The following PARD3B variants were observed in gnomAD, a reference collection of about 807,000 sequenced individuals.
PARD3B encodes par-3 family cell polarity regulator beta, also known as partitioning defective 3 homolog B.
PARD3B carries 103 observed loss-of-function variants against 130.2 expected under a neutral mutation model. That is an observed-to-expected ratio of 0.79 (90% confidence interval 0.67 to 0.93). The LOEUF is 0.93. PARD3B is among the 40% of genes least tolerant of loss of function. PARD3B has a pLI of 0.00. For missense variants in PARD3B, 1,609 were observed against 1,499.2 expected (o/e 1.07, Z -1.21); for synonymous variants, 583 against 553.2 (o/e 1.05, Z -0.76).
At chr2:205,272,157 CAAA>C (rs764741961) in intron 16 of PARD3B, among the ~76,000 whole-genome samples, 10 of 96,524 alleles carry the variant, frequency 1.0e-4, no homozygotes, top group Admixed American at 2.3e-4. Context: ...GACTCTGTCT[CAAA>C]AAAAAAAAAA....
intron 2 of PARD3B, among the ~76,000 whole-genome samples, chr2:204,703,172 C>T (rs971121577): frequency 1.3e-5 from 2 of 152,122 alleles, no homozygotes; most frequent in African/African-American, 4.8e-5. Flanking sequence ...TTCTAAAGAG[C>T]CAGTACCTGA....
intron 2 of PARD3B, among the ~76,000 whole-genome samples, chr2:204,691,832 A>C (rs1435870759): frequency 6.6e-6 from 1 of 152,134 alleles, no homozygotes; most frequent in Non-Finnish European, 1.5e-5. Flanking sequence ...GAAGTTATTA[A>C]ATTGGTAAAA....
chr2:204,830,516 A>C (rs920064334), intron 2 of PARD3B, among the ~76,000 whole-genome samples: 8 of 152,238 alleles, frequency 5.3e-5, no homozygotes, highest in African/African-American at 1.4e-4. Context: ...TATATAGTGA[A>C]GAAGATTAAT....
intron 2 of PARD3B, among the ~76,000 whole-genome samples, chr2:204,711,078 T>C (rs1373523787): frequency 6.6e-6 from 1 of 152,242 alleles, no homozygotes; most frequent in Non-Finnish European, 1.5e-5. Flanking sequence ...TATTACCTTG[T>C]TATAGCTTAA....
Position 205,595,993 on chromosome 2 carries a change from A to G in PARD3B, c.3261-19463A>G, listed in dbSNP as rs1440472413. Among the ~76,000 whole-genome samples, 3 of 152,206 alleles carry G rather than the reference A, an allele frequency of 2.0e-5. No homozygotes were observed. In the East Asian group the frequency reaches 5.8e-4, roughly 29 times the overall value. ...ATAGCCCTCATCAGTTTGGGTTATTATAAGCCTTGATGTGCTAGCTGCTCC... is the reference window on the plus strand; with the variant it reads ...ATAGCCCTCATCAGTTTGGGTTATTGTAAGCCTTGATGTGCTAGCTGCTCC... On this transcript the variant is annotated intron_variant, in intron 22 of 22. Coordinates refer to ENST00000406610, the MANE Select transcript of PARD3B (RefSeq NM_001302769.2).
In PARD3B at chr2:205,193,265, AC is replaced by A. The variant is rs1314252416; in HGVS notation, c.2087del (p.Pro696ArgfsTer10). 2 of 1,613,852 alleles carry A rather than the reference AC, an allele frequency of 1.2e-6. No homozygotes were observed. The highest frequency in any genetic ancestry group is 2.2e-5 in the South Asian group (2 of 91,074). On this transcript the variant is annotated frameshift_variant, in exon 15 of 23. Transcript: ENST00000406610. LOFTEE classifies it high-confidence loss of function. ...AGCACATCAACTTCAGATCTGTGAC[AC>A]CGGCCAGGCAGCCTGAATCAATTAA... Reference protein sequence around the residue: ...DQHINFRSVTPARQPESINLK... With the variant: ...DQHINFRSVTXARQPESINLK...
intron 2 of PARD3B, among the ~76,000 whole-genome samples, chr2:204,777,085 G>A (rs1312079606): frequency 6.6e-6 from 1 of 152,180 alleles, no homozygotes; most frequent in Non-Finnish European, 1.5e-5. Flanking sequence ...TCCTGTTGTA[G>A]ATAAAGTTCA....
In PARD3B at chr2:205,258,299, C is replaced by T. The variant is rs1357365522; in HGVS notation, c.2185+12477C>T. Among the ~76,000 whole-genome samples, 2 of 152,136 alleles carry T rather than the reference C, an allele frequency of 1.3e-5. No individual in the cohort carries two copies. Among genetic ancestry groups the T allele is most frequent in the African/African-American group, 4.8e-5 (2 of 41,446 alleles). On this transcript the variant is annotated intron_variant, in intron 16 of 22. Transcript: ENST00000406610. This position sits in a 1 kb window ranked among gnomAD's most constrained non-coding sequence, Gnocchi z 4.9. ...ACCTGGAGAGCTTCAGTGAGGAAAA[C>T]TCTCCTCAGGCCTTTGCACATGCAT...
At chr2:205,531,117 T>C (rs2051570255) in intron 21 of PARD3B, among the ~76,000 whole-genome samples, 1 of 152,236 alleles carries the variant, frequency 6.6e-6, no homozygotes, top group South Asian at 2.1e-4. Context: ...TTGCTTTTTC[T>C]TCTTCCAACG....
chr2:205,000,673 G>A, intron 3 of PARD3B, among the ~76,000 whole-genome samples: 1 of 152,072 alleles, frequency 6.6e-6, no homozygotes, highest in East Asian at 1.9e-4. Context: ...CATTTTACAG[G>A]TTCATTTTAT....
intron 20 of PARD3B, among the ~76,000 whole-genome samples, chr2:205,452,543 C>T (rs554780799): frequency 2.0e-5 from 3 of 152,112 alleles, no homozygotes; most frequent in African/African-American, 7.2e-5. Flanking sequence ...AACATATTAC[C>T]ATCAATTTTT....
intron 15 of PARD3B, among the ~76,000 whole-genome samples, chr2:205,238,849 A>AAAAATAT (rs1273582854): frequency 7.8e-5 from 6 of 76,902 alleles, no homozygotes; most frequent in Non-Finnish European, 9.2e-5. Context: ...AAAAAAAAAA[A>AAAAATAT]ATATATATAT....
At chr2:205,457,615 CTG>C (rs1316915732) in intron 20 of PARD3B, among the ~76,000 whole-genome samples, 1 of 151,830 alleles carries the variant, frequency 6.6e-6, no homozygotes, top group Non-Finnish European at 1.5e-5. Flanking sequence ...GGCAAATTCT[CTG>C]TTTTTATTTG....
At chr2:205,488,643 G>A (rs377272471) in intron 20 of PARD3B, among the ~76,000 whole-genome samples, 79 of 152,264 alleles carry the variant, frequency 5.2e-4, no homozygotes, top group African/African-American at 1.9e-3. Flanking sequence ...ACAAGGCCAT[G>A]TTGTACAAGT....
At chr2:204,732,856 AAG>A (rs748810801) in intron 2 of PARD3B, among the ~76,000 whole-genome samples, 2 of 152,200 alleles carry the variant, frequency 1.3e-5, no homozygotes, top group Non-Finnish European at 2.9e-5. Context: ...TTTGATAAAA[AAG>A]AGTTTTTCAG....
rs2031554641 is a variant in PARD3B, at chr2:204,564,588, A to C, written c.120+18469A>C. On this transcript the variant is annotated intron_variant, in intron 1 of 22. Coordinates refer to ENST00000406610, the MANE Select transcript of PARD3B (RefSeq NM_001302769.2). ...GATTTAAAATAACAAAGTGCCCATT[A>C]CAAGTTAAAATACTTATTTTTAGGA... Among the ~76,000 whole-genome samples the C allele has an allele frequency of 1.3e-5, 2 of 152,248 alleles. 1 individual carries two copies. Among genetic ancestry groups the C allele is most frequent in the South Asian group, 4.1e-4 (2 of 4,838 alleles).
intron 16 of PARD3B, among the ~76,000 whole-genome samples, chr2:205,262,461 G>T (rs889462992): frequency 6.6e-6 from 1 of 152,158 alleles, no homozygotes; most frequent in South Asian, 2.1e-4. Flanking sequence ...GCTCCAAGGA[G>T]GTCATAGATT....
intron 11 of PARD3B, among the ~76,000 whole-genome samples, chr2:205,165,579 A>C (rs891521885): frequency 6.6e-6 from 1 of 151,890 alleles, no homozygotes; most frequent in South Asian, 2.1e-4. Context: ...CTAGCCAGGC[A>C]TGATGGTACG....
At chr2:204,889,881 G>A (rs971405545) in intron 2 of PARD3B, among the ~76,000 whole-genome samples, 13 of 152,138 alleles carry the variant, frequency 8.5e-5, no homozygotes, top group African/African-American at 2.7e-4. Context: ...TTTCTTTTCC[G>A]TGAAATAACA....
Sources: allele counts gnomAD v4.1 joint callset (sites outside exome capture counted in the v4.1 genomes callset), GRCh38; gene constraint gnomAD v4.1.1; non-coding constraint Gnocchi (gnomAD v3.1); transcripts MANE v1.5; gene names NCBI Gene and HGNC (gene_info 2026-07-23, HGNC 2026-07-21).